RAB9B: variants seen among roughly 807,000 people sequenced by gnomAD.
RAB9B encodes the protein ras-related protein Rab-9B.
Under a neutral mutation model 8.9 loss-of-function variants are expected in RAB9B, and 1 was observed. The ratio of observed to expected loss-of-function variants is 0.11; its 90% CI spans 0.04 to 0.53. The LOEUF is 0.53. RAB9B is among the 20% of genes least tolerant of loss of function. The probability of loss-of-function intolerance (pLI) is 0.93; values close to 1 mark genes in which losing one functional copy is unlikely to be tolerated. For missense variants in RAB9B, 82 were observed against 152.9 expected, an observed-to-expected ratio of 0.54 and a Z score of 2.45; for synonymous variants, 63 against 57.0, an observed-to-expected ratio of 1.10 and a Z score of -0.47.
chrX:103,831,201 A>G (rs1176637646), intron 1 of RAB9B, among the ~76,000 whole-genome samples: 2 of 110,716 alleles, frequency 1.8e-5, no homozygotes, highest in Non-Finnish European at 3.8e-5. Flanking sequence ...TGTAAAATTC[A>G]ACACGGATGA....
Position 103,831,759 on chromosome X carries a change from G to C in RAB9B, c.-117+301C>G, listed in dbSNP as rs947106452. ...CCCAGGTCCTCTCACCTCACCCCCAGCTCTTAGAGCTAGTCGGCTGTGGCG... is the reference window on the plus strand; with the variant it reads ...CCCAGGTCCTCTCACCTCACCCCCACCTCTTAGAGCTAGTCGGCTGTGGCG... On this transcript the variant is annotated intron_variant, in intron 1 of 2. Coordinates refer to ENST00000243298, the MANE Select transcript of RAB9B (RefSeq NM_016370.4). Among the ~76,000 whole-genome samples the C allele has an allele frequency of 8.2e-5, 9 of 109,700 alleles. No individual in the cohort carries two copies. The South Asian group carries it at 1.2e-3, about 15-fold the overall frequency.
At chrX:103,777,139 A>G in the RAB9B span, 1 of 546,455 alleles carries the variant, frequency 1.8e-6, no homozygotes, top group Non-Finnish European at 3.2e-6. Context: ...ATTCCTTAAC[A>G]TTCAGTTAGA....
the RAB9B span, chrX:103,786,834 A>T: frequency 1.2e-6 from 1 of 842,469 alleles, no homozygotes; most frequent in Non-Finnish European, 1.8e-6. Flanking sequence ...GGGGCCTGGC[A>T]TTTGAGTGAG....
chrX:103,799,356 A>G, the RAB9B span, among the ~76,000 whole-genome samples: 1 of 111,584 alleles, frequency 9.0e-6, no homozygotes, highest in South Asian at 3.7e-4. Context: ...TATTTCCTTG[A>G]CAAATCAGCA....
the RAB9B span, among the ~76,000 whole-genome samples, chrX:103,817,015 G>T: frequency 8.0e-5 from 9 of 112,185 alleles, no homozygotes; most frequent in Admixed American, 2.8e-4. Context: ...TGTGGAAGAT[G>T]GTGTGGCAAT....
At chrX:103,827,290 T>C (rs2074686946) in intron 1 of RAB9B, among the ~76,000 whole-genome samples, 2 of 111,820 alleles carry the variant, frequency 1.8e-5, no homozygotes, top group Admixed American at 9.5e-5. Context: ...CTTTAACTTA[T>C]CCTAATTTGT....
the RAB9B span, among the ~76,000 whole-genome samples, chrX:103,808,326 G>A: frequency 3.6e-5 from 4 of 111,847 alleles, no homozygotes; most frequent in East Asian, 1.1e-3. Flanking sequence ...TGCACATAAA[G>A]CACTCAGCAC....
chrX:103,828,165 T>C (rs1316016400), intron 1 of RAB9B, among the ~76,000 whole-genome samples: 1 of 111,889 alleles, frequency 8.9e-6, no homozygotes, highest in African/African-American at 3.2e-5. Flanking sequence ...TAAAAAAAAA[T>C]CTGCTGCTTA....
chrX:103,798,929 C>T, the RAB9B span, among the ~76,000 whole-genome samples: 1 of 108,606 alleles, frequency 9.2e-6, no homozygotes, highest in African/African-American at 3.4e-5. Flanking sequence ...CGTGAGCCAC[C>T]GAGCCCGACC....
chrX:103,781,293 T>A, the RAB9B span: 2 of 327,918 alleles, frequency 6.1e-6, no homozygotes, highest in South Asian at 5.3e-5. Context: ...AGTCCCTTGA[T>A]GAACCTGGAT....
the RAB9B span, among the ~76,000 whole-genome samples, chrX:103,782,544 G>C: frequency 8.9e-6 from 1 of 111,977 alleles, no homozygotes; most frequent in Non-Finnish European, 1.9e-5. Context: ...ACACTCAAGA[G>C]GATGTTTCCC....
At chrX:103,796,750 C>A in the RAB9B span, among the ~76,000 whole-genome samples, 1 of 104,591 alleles carries the variant, frequency 9.6e-6, no homozygotes, top group South Asian at 4.5e-4. Context: ...TAGCTGAATC[C>A]CGGTATTTGT....
chrX:103,790,834 T>G, the RAB9B span: 2 of 414,978 alleles, frequency 4.8e-6, no homozygotes, highest in East Asian at 8.0e-5. Flanking sequence ...AAATGGGAAA[T>G]GCCTAAGAAG....
At chrX:103,788,378 T>G in the RAB9B span, 1 of 852,471 alleles carries the variant, frequency 1.2e-6, no homozygotes, top group Non-Finnish European at 1.8e-6. Flanking sequence ...GGGGAAAGTC[T>G]CCATGTGGCC....
the RAB9B span, chrX:103,786,708 G>T: frequency 2.5e-6 from 3 of 1,211,412 alleles, no homozygotes; most frequent in Non-Finnish European, 3.4e-6. Flanking sequence ...TGGGAAAATG[G>T]CTAGGACATC....
chrX:103,805,637 A>G, the RAB9B span, among the ~76,000 whole-genome samples: 1 of 111,229 alleles, frequency 9.0e-6, no homozygotes, highest in East Asian at 2.8e-4. Flanking sequence ...TATTAATTTA[A>G]TCTCTAAAAT....
chrX:103,779,432 G>A, the RAB9B span, among the ~76,000 whole-genome samples: 1 of 111,847 alleles, frequency 8.9e-6, no homozygotes, highest in Non-Finnish European at 1.9e-5. Context: ...AAGACTAACT[G>A]AGTCCCATCA....
chrX:103,812,415 G>A, the RAB9B span, among the ~76,000 whole-genome samples: 1 of 111,771 alleles, frequency 8.9e-6, no homozygotes, highest in Non-Finnish European at 1.9e-5. Context: ...AAAGAAACAA[G>A]GAGAGTGTGG....
At chrX:103,817,641 A>T (rs959862853), downstream of RAB9B, among the ~76,000 whole-genome samples, 10 of 110,110 alleles carry the variant, frequency 9.1e-5, no homozygotes, top group African/African-American at 3.3e-4. Context: ...ATATAAGTTT[A>T]GTCTATGGCG....
Sources: allele counts gnomAD v4.1 joint callset (sites outside exome capture counted in the v4.1 genomes callset), GRCh38; gene constraint gnomAD v4.1.1; transcripts MANE v1.5; gene names NCBI Gene and HGNC (gene_info 2026-07-23, HGNC 2026-07-21).